Variants in CDH1 observed in about 807,000 individuals in gnomAD.
CDH1 encodes cadherin 1.
A neutral mutation model predicts 84.5 loss-of-function variants in CDH1; 35 were observed. The ratio of observed to expected loss-of-function variants is 0.41; its 90% confidence interval spans 0.32 to 0.55. The LOEUF (loss-of-function observed/expected upper bound fraction) is 0.55, where lower values mean the gene tolerates loss of function less well. Ranked by LOEUF, CDH1 falls within the 20% of genes least tolerant of loss-of-function variation. The pLI, the probability that CDH1 is intolerant of heterozygous loss-of-function variation, is 0.19. For synonymous variants in CDH1, 417 were observed against 439.0 expected, an observed-to-expected ratio of 0.95 and a Z score of 0.63; for missense variants, 994 against 1,126.6, an observed-to-expected ratio of 0.88 and a Z score of 1.68.
At chr16:68,777,534 C>CTTTTTT (rs71148949) in intron 2 of CDH1, among the ~76,000 whole-genome samples, 13,666 of 76,694 alleles carry the variant, frequency 0.18, 1,382 homozygotes, top group Non-Finnish European at 0.21. Context: ...GTAATGTTTC[C>CTTTTTT]TTTTTTTTTT....
chr16:68,778,884 G>C (rs553864587), intron 2 of CDH1, among the ~76,000 whole-genome samples: 1 of 152,244 alleles, frequency 6.6e-6, no homozygotes, highest in Non-Finnish European at 1.5e-5. Context: ...GGGGGAGAGA[G>C]GTTTTTCTCT....
intron 2 of CDH1, among the ~76,000 whole-genome samples, chr16:68,774,295 C>T (rs765441057): frequency 2.6e-5 from 4 of 152,134 alleles, no homozygotes; most frequent in African/African-American, 4.8e-5. Context: ...GAGGCCGAGT[C>T]GGGCAGATTA....
At position 68,811,828 on chromosome 16, in the gene CDH1, T is replaced by C. The variant is rs1190209160; in HGVS notation, c.977T>C (p.Ile326Thr). ...ACCATTAACAGGAACACAGGAGTCA[T>C]CAGTGTGGTCACCACTGGGCTGGAC... ...MFTINRNTGV[I>T]SVVTTGLDRE... Residue 326 changes from isoleucine (I) to threonine (T), a missense_variant, in exon 7 of 16, where the codon ATC becomes ACC. Around this residue, in one of 3 missense-constraint regions of CDH1, gnomAD observed 769 missense variants for 881.8 expected, o/e 0.87. Transcript: ENST00000261769. The C allele has an allele frequency of 6.2e-7, 1 of 1,614,150 alleles. No individual in the cohort carries two copies. Among genetic ancestry groups the C allele is most frequent in the Non-Finnish European group, 8.5e-7 (1 of 1,180,016 alleles).
intron 3 of CDH1, among the ~76,000 whole-genome samples, chr16:68,808,062 G>C (rs1230119406): frequency 6.6e-6 from 1 of 152,136 alleles, no homozygotes; most frequent in Non-Finnish European, 1.5e-5. Context: ...GATAGAGCCA[G>C]ATCTTGTCTC....
chr16:68,737,320 G>T lies in CDH1; in HGVS notation c.-96G>T. On this transcript the variant is annotated 5_prime_UTR_variant, in exon 1 of 16. Transcript: ENST00000261769. ...GGCGTCGGAACTGCAAAGCACCTGTGAGCTTGCGGAAGTCAGTTCAGACTC... is the reference window on the plus strand; with the variant it reads ...GGCGTCGGAACTGCAAAGCACCTGTTAGCTTGCGGAAGTCAGTTCAGACTC... 2.9e-6 allele frequency: 3 copies of T among 1,043,784 alleles called. No individual in the cohort carries two copies. The highest frequency in any genetic ancestry group is 4.2e-6 in the Non-Finnish European group (3 of 721,758). 64.7% of individuals were successfully genotyped at this position (1,043,784 alleles called of 1,614,324 possible). A position where few individuals can be genotyped will look rare whatever the true frequency, so the allele number is the denominator to read the frequency against.
Position 68,808,765 on chromosome 16 carries a change from G to C in CDH1, c.604G>C (p.Val202Leu), listed in dbSNP as rs546716073. ...TGGCCAAGGAGCTGACACACCCCCT[G>C]TTGGTGTCTTTATTATTGAAAGAGA... ...ITGQGADTPP[V>L]GVFIIERETG... Residue 202 changes from valine (V) to leucine (L), a missense_variant, in exon 5 of 16, where the codon GTT becomes CTT. Physicochemically the swap from Val to Leu is conservative, Grantham distance 32 (BLOSUM62 1). Transcript: ENST00000261769. The C allele has an allele frequency of 6.2e-7, 1 of 1,614,150 alleles. No homozygotes were observed. Among genetic ancestry groups the C allele is most frequent in the Non-Finnish European group, 8.5e-7 (1 of 1,180,004 alleles).
chr16:68,810,894 C>T (rs1960803354), intron 6 of CDH1, among the ~76,000 whole-genome samples: 1 of 151,602 alleles, frequency 6.6e-6, no homozygotes, highest in South Asian at 2.1e-4. Context: ...TTTTCAGAGA[C>T]AGGGTCTTGC....
At chr16:68,811,982 T>A (rs1960848821) in intron 7 of CDH1, 123 bp downstream of exon 7, 2 of 1,440,126 alleles carry the variant, frequency 1.4e-6, no homozygotes, top group Non-Finnish European at 9.7e-7. Flanking sequence ...AAGCTTTGCA[T>A]CTAAGCTTGT....
intron 2 of CDH1, among the ~76,000 whole-genome samples, chr16:68,781,502 G>A (rs1375831889): frequency 2.0e-5 from 3 of 152,024 alleles, no homozygotes; most frequent in African/African-American, 7.2e-5. Flanking sequence ...CACTACACCT[G>A]GCTAATTTTT....
At chr16:68,803,031 G>T (rs557045086) in intron 3 of CDH1, among the ~76,000 whole-genome samples, 1 of 152,144 alleles carries the variant, frequency 6.6e-6, no homozygotes, top group Admixed American at 6.5e-5. Flanking sequence ...GTTGTTATTC[G>T]AAGCCAGTTT....
At chr16:68,829,500 G>A (rs1596972148) in intron 14 of CDH1, among the ~76,000 whole-genome samples, 154 bp from the exon 15 acceptor site, 1 of 152,172 alleles carries the variant, frequency 6.6e-6, no homozygotes, top group East Asian at 1.9e-4. Flanking sequence ...GAGACTTTTA[G>A]CTTGAAAACT....
At chr16:68,738,492 G>C in intron 2 of CDH1, 81 bp downstream of exon 2, 1 of 887,796 alleles carries the variant, frequency 1.1e-6, no homozygotes, top group Non-Finnish European at 1.7e-6. Context: ...CCACACCCCT[G>C]GGTTGCAATG....
chr16:68,741,003 T>A (rs1473566113), intron 2 of CDH1, among the ~76,000 whole-genome samples: 1 of 151,396 alleles, frequency 6.6e-6, no homozygotes, highest in African/African-American at 2.4e-5. Context: ...TGAAGTAAGC[T>A]GAGAATGGAG....
At chr16:68,828,028 A>G in intron 13 of CDH1, 146 bp from the exon 14 acceptor site, 1 of 837,878 alleles carries the variant, frequency 1.2e-6, no homozygotes, top group Non-Finnish European at 2.1e-6. Context: ...TGTCACGTGG[A>G]TTGACATCTT....
At chr16:68,738,851 C>A (rs1308918066) in intron 2 of CDH1, among the ~76,000 whole-genome samples, 1 of 150,898 alleles carries the variant, frequency 6.6e-6, no homozygotes, top group East Asian at 2.0e-4. Context: ...GACTCCCAGG[C>A]CCCATTAAGC....
chr16:68,740,736 G>T (rs76462164), intron 2 of CDH1, among the ~76,000 whole-genome samples: 3 of 152,058 alleles, frequency 2.0e-5, no homozygotes. Flanking sequence ...ATAGTGACAC[G>T]TATTCACTTT....
chr16:68,829,947 TTTTTTCTTTTTC>T, intron 15 of CDH1, 150 bp downstream of exon 15: 5 of 717,874 alleles, frequency 7.0e-6, no homozygotes, highest in East Asian at 7.0e-5. Flanking sequence ...CTTTTTCTTT[TTTTTTCTTTTTC>T]TTTTTTTTTT....
At chr16:68,822,539 C>A in intron 12 of CDH1, 1 of 526,136 alleles carries the variant, frequency 1.9e-6, no homozygotes, top group Non-Finnish European at 3.6e-6. Flanking sequence ...CTCCTGGGAC[C>A]AAACAACACC....
At chr16:68,820,213 T>A (rs1961102518) in intron 11 of CDH1, among the ~76,000 whole-genome samples, 1 of 151,916 alleles carries the variant, frequency 6.6e-6, no homozygotes, top group African/African-American at 2.4e-5. Context: ...AAAAAAATTG[T>A]TTTTTCAAGT....
Sources: allele counts gnomAD v4.1 joint callset (sites outside exome capture counted in the v4.1 genomes callset), GRCh38; gene constraint gnomAD v4.1.1; regional missense constraint gnomAD v4.1.1; transcripts MANE v1.5; gene names NCBI Gene and HGNC (gene_info 2026-07-23, HGNC 2026-07-21).